Variants in PAX1 observed in about 807,000 individuals in gnomAD.
The protein encoded by PAX1 is paired box 1, also known as paired box protein Pax-1.
PAX1 carries 18 observed loss-of-function variants against 35.6 expected under a neutral mutation model. The observed-to-expected ratio is 0.50, with a 90% CI of 0.35 to 0.75. PAX1 has a LOEUF of 0.75. PAX1 is among the 30% of genes least tolerant of loss of function. PAX1 has a pLI of 0.01. For synonymous variants in PAX1, 397 were observed against 305.2 expected, an observed-to-expected ratio of 1.30 and a Z score of -3.14; for missense variants, 760 against 661.5, an observed-to-expected ratio of 1.15 and a Z score of -1.63.
chr20:21,711,225 C>A (rs1985190134), intron 4 of PAX1, among the ~76,000 whole-genome samples: 1 of 152,232 alleles, frequency 6.6e-6, no homozygotes, highest in Non-Finnish European at 1.5e-5. Flanking sequence ...AGAAAAAAGA[C>A]CCACAGTCTT....
Position 21,714,453 on chromosome 20 carries a change from C to G in PAX1, c.1283-18C>G. On this transcript the variant is annotated intron_variant, in intron 4 of 4. Coordinates refer to ENST00000613128, the MANE Select transcript of PAX1 (RefSeq NM_001257096.2). ...GGCGCTAGGTAGTGATCCGACGCCT[C>G]TGTGCTTCCTCCCGCAGTGGCTGAC... 1.9e-6 allele frequency: 3 copies of G among 1,548,112 alleles called. No individual in the cohort carries two copies. The highest frequency in any genetic ancestry group is 2.6e-6 in the Non-Finnish European group (3 of 1,147,398).
At position 21,706,451 on chromosome 20, in the gene PAX1, C is replaced by G; in HGVS notation, c.300C>G (p.Gly100=). The change falls in exon 2 of 5, where the codon GGC becomes GGG. Residue 100 remains glycine, a synonymous_variant. Coordinates refer to ENST00000613128, the MANE Select transcript of PAX1 (RefSeq NM_001257096.2). The surrounding 1 kb of genome is among the most constrained non-coding windows in gnomAD (Gnocchi z 5.3). ...AGPLAMEQTY[G]EVNQLGGVFV... ...GCGCATCCGCAGAGCAGACGTATGG[C>G]GAGGTGAACCAGCTGGGCGGTGTGT... 6.2e-7 allele frequency: 1 copy of G among 1,611,048 alleles called. No individual in the cohort carries two copies. Among genetic ancestry groups the G allele is most frequent in the East Asian group, 2.2e-5 (1 of 44,810 alleles).
chr20:21,708,727 AC>A, intron 3 of PAX1, 27 bp downstream of exon 3: 1 of 1,611,702 alleles, frequency 6.2e-7, no homozygotes, highest in Non-Finnish European at 8.5e-7. Context: ...TGAGGCCGTG[AC>A]CTTAAGTAGG....
rs1985009780 is a variant in PAX1, at chr20:21,706,627, C to G, written c.476C>G (p.Ser159Cys). The G allele has an allele frequency of 1.2e-6, 2 of 1,612,212 alleles. No homozygotes were observed. Among genetic ancestry groups the G allele is most frequent in the South Asian group, 1.1e-5 (1 of 91,088 alleles). The change falls in exon 2 of 5, where the codon TCC becomes TGC. Residue 159 changes from serine (S) to cysteine (C), a missense_variant. By Grantham distance (112) the Ser-to-Cys change is moderately radical. Transcript: ENST00000613128. This position sits in a 1 kb window ranked among gnomAD's most constrained non-coding sequence, Gnocchi z 5.3. ...KILARYNETGSILPGAIGGSK... is the reference protein window; with the variant it reads ...KILARYNETGCILPGAIGGSK... Reference sequence around the variant, plus strand: ...CTGGCGCGCTACAACGAGACCGGCTCCATTCTGCCCGGGGCCATCGGGGGG... The same window carrying G: ...CTGGCGCGCTACAACGAGACCGGCTGCATTCTGCCCGGGGCCATCGGGGGG...
chr20:21,708,077 A>G (rs1174183656), intron 2 of PAX1, among the ~76,000 whole-genome samples: 3 of 152,198 alleles, frequency 2.0e-5, no homozygotes, highest in South Asian at 2.1e-4. Flanking sequence ...GTGTGCTTCT[A>G]TCTGACCCGT....
intron 2 of PAX1, among the ~76,000 whole-genome samples, chr20:21,708,057 G>T (rs1985073658): frequency 6.6e-6 from 1 of 152,210 alleles, no homozygotes; most frequent in Admixed American, 6.5e-5. Context: ...CAAGGGCCCG[G>T]GGAGCAGCTG....
At position 21,717,058 on chromosome 20, in the gene PAX1, G is replaced by C. The variant is rs750593112; in HGVS notation, c.*2496G>C. On this transcript the variant is annotated 3_prime_UTR_variant, in exon 5 of 5. Coordinates refer to ENST00000613128, the MANE Select transcript of PAX1 (RefSeq NM_001257096.2). ...AGAAGAGCTGGGAAATGCGCCCCAG[G>C]GTGGATGCAAAGCACCTGTGTTTTA... is the stretch of plus-strand genomic sequence containing the variant. The C allele has an allele frequency of 1.3e-5, 2 of 152,250 alleles. No homozygotes were observed. The highest frequency in any genetic ancestry group is 2.9e-5 in the Non-Finnish European group (2 of 68,072). 9.4% of individuals were successfully genotyped at this position (152,250 alleles called of 1,614,324 possible).
At position 21,706,840 on chromosome 20, in the gene PAX1, A is replaced by G. The variant is rs1985023061; in HGVS notation, c.689A>G (p.Gln230Arg). The G allele has an allele frequency of 1.2e-6, 2 of 1,613,280 alleles. No individual in the cohort carries two copies. The highest frequency in any genetic ancestry group is 1.6e-4 in the Middle Eastern group (1 of 6,084). The change falls in exon 2 of 5, where the codon CAG becomes CGG. Residue 230 changes from glutamine (Q) to arginine (R), a missense_variant. Transcript: ENST00000613128. The surrounding 1 kb of genome is among the most constrained non-coding windows in gnomAD (Gnocchi z 5.3). ...CGCAACAAGATCGGCAGCCTGGCGC[A>G]GCCCGGACCGTACGAGGCAAGTAAG... ...ILRNKIGSLA[Q>R]PGPYEASKQP... is the part of the protein sequence containing the mutation.
Position 21,707,159 on chromosome 20 carries a change from C to A in PAX1, c.916+92C>A, listed in dbSNP as rs1985046781. On this transcript the variant is annotated intron_variant, in intron 2 of 4. Coordinates refer to ENST00000613128, the MANE Select transcript of PAX1 (RefSeq NM_001257096.2). Reference sequence around the variant, plus strand: ...AGAGGACTCACACTCGCTCTCCTCCCGGGACCGGTTCTGGCTCAGGGGAGG... The same window carrying A: ...AGAGGACTCACACTCGCTCTCCTCCAGGGACCGGTTCTGGCTCAGGGGAGG... 14 of 1,514,310 alleles carry A rather than the reference C, an allele frequency of 9.2e-6. No individual in the cohort carries two copies. The South Asian group carries it at 1.5e-4, about 16-fold the overall frequency. 93.8% of individuals were successfully genotyped at this position (1,514,310 alleles called of 1,614,324 possible).
In PAX1 at chr20:21,715,526, TAGGAGTA is replaced by T. The variant is rs1985343726; in HGVS notation, c.*965_*971del. ...GATGTCACCCCAAAGAAGACTGGGG[TAGGAGTA>T]GGGAGCACAGGGGTTGTTGGTGTTT... On this transcript the variant is annotated 3_prime_UTR_variant, in exon 5 of 5. Coordinates refer to ENST00000613128, the MANE Select transcript of PAX1 (RefSeq NM_001257096.2). 1 of 152,092 alleles carries T rather than the reference TAGGAGTA, an allele frequency of 6.6e-6. No homozygotes were observed. Among genetic ancestry groups the T allele is most frequent in the African/African-American group, 2.4e-5 (1 of 41,332 alleles). The allele number at this position is 152,092 out of a possible 1,614,324, so 9.4% of individuals were successfully genotyped here. A position where few individuals can be genotyped will look rare whatever the true frequency, so the allele number is the denominator to read the frequency against.
Position 21,706,641 on chromosome 20 carries a change from G to T in PAX1, c.490G>T (p.Ala164Ser). ...YNETGSILPGAIGGSKPRVTT... is the reference protein window; with the variant it reads ...YNETGSILPGSIGGSKPRVTT... ...CGAGACCGGCTCCATTCTGCCCGGG[G>T]CCATCGGGGGGAGCAAGCCCCGCGT... Residue 164 changes from alanine (A) to serine (S), a missense_variant, in exon 2 of 5, where the codon GCC becomes TCC. Physicochemically the swap from Ala to Ser is moderately conservative, Grantham distance 99. This residue lies in a region of PAX1 where 490 missense variants were observed against 428.4 expected (regional missense o/e 1.14). Transcript: ENST00000613128. This position sits in a 1 kb window ranked among gnomAD's most constrained non-coding sequence, Gnocchi z 5.3. The T allele has an allele frequency of 1.2e-6, 2 of 1,612,132 alleles. No homozygotes were observed. Among genetic ancestry groups the T allele is most frequent in the Non-Finnish European group, 1.7e-6 (2 of 1,180,028 alleles).
chr20:21,708,646 C>G lies in PAX1; in HGVS notation c.1005C>G (p.Pro335=), dbSNP rs199677616. Residue 335 remains proline (P), a synonymous_variant, in exon 3 of 5, where the codon CCC becomes CCG. Transcript: ENST00000613128. The part of the protein sequence containing the change: ...GVNRTAFPAT[P]AVNGLEKPAL... Reference sequence around the variant, plus strand: ...ACCGCACGGCCTTCCCCGCCACCCCCGCAGTGAATGGGCTAGAGAAACCTG... The same window carrying G: ...ACCGCACGGCCTTCCCCGCCACCCCGGCAGTGAATGGGCTAGAGAAACCTG... 2.2e-4 allele frequency: 353 copies of G among 1,613,506 alleles called. No homozygotes were observed. The highest frequency in any genetic ancestry group is 4.3e-4 in the South Asian group (39 of 91,088).
At chr20:21,712,206 T>G (rs1274531930) in intron 4 of PAX1, among the ~76,000 whole-genome samples, 2 of 152,184 alleles carry the variant, frequency 1.3e-5, no homozygotes, top group Non-Finnish European at 2.9e-5. Context: ...AATCGAAAAT[T>G]TAGCATTTAA....
At position 21,709,294 on chromosome 20, in the gene PAX1, G is replaced by T. The variant is rs367712351; in HGVS notation, c.1132G>T (p.Val378Leu). The T allele has an allele frequency of 6.2e-7, 1 of 1,604,164 alleles. No individual in the cohort carries two copies. The highest frequency in any genetic ancestry group is 8.5e-7 in the Non-Finnish European group (1 of 1,179,432). ...CAYPASNQHG[V>L]YSAPGGGYLA... Reference sequence around the variant, plus strand: ...CTACCCGGCCTCCAACCAGCACGGCGTGTACAGCGCCCCGGGCGGCGGCTA... The same window carrying T: ...CTACCCGGCCTCCAACCAGCACGGCTTGTACAGCGCCCCGGGCGGCGGCTA... Residue 378 changes from valine to leucine, a missense_variant, in exon 4 of 5, where the codon GTG (valine) becomes TTG (leucine). Val to Leu is a conservative substitution (Grantham distance 32, BLOSUM62 1). Transcript: ENST00000613128.
intron 2 of PAX1, among the ~76,000 whole-genome samples, chr20:21,707,458 C>T (rs1178081878): frequency 6.6e-6 from 1 of 152,164 alleles, no homozygotes; most frequent in African/African-American, 2.4e-5. Flanking sequence ...TTCTGTCCCC[C>T]ACTCCCAGGC....
chr20:21,709,506 C>G, intron 4 of PAX1, 62 bp downstream of exon 4: 2 of 1,275,882 alleles, frequency 1.6e-6, no homozygotes, highest in Non-Finnish European at 2.1e-6. Flanking sequence ...TACTGGGGAG[C>G]GGGTGTGAGC....
Position 21,715,327 on chromosome 20 carries a change from T to G in PAX1, c.*765T>G, listed in dbSNP as rs2122151609. 1.3e-5 allele frequency: 2 copies of G among 157,552 alleles called. No individual in the cohort carries two copies. Among genetic ancestry groups the G allele is most frequent in the Non-Finnish European group, 1.4e-5 (1 of 71,638 alleles). 9.8% of individuals were successfully genotyped at this position (157,552 alleles called of 1,614,324 possible). On this transcript the variant is annotated 3_prime_UTR_variant, in exon 5 of 5. Transcript: ENST00000613128. ...GCCCTAATGGAGGGGGGCTCAAACC[T>G]AGGAAGTGGACAGAAAAGCCACAGC... is the stretch of plus-strand genomic sequence containing the variant.
chr20:21,709,470 G>A (rs1240272043), intron 4 of PAX1, 26 bp downstream of exon 4: 4 of 1,482,354 alleles, frequency 2.7e-6, no homozygotes, highest in South Asian at 2.6e-5. Context: ...AGTGGGGCGG[G>A]TGGATGCTGG....
At chr20:21,714,376 T>C in intron 4 of PAX1, 95 bp from the exon 5 acceptor site, 1 of 910,546 alleles carries the variant, frequency 1.1e-6, no homozygotes, top group East Asian at 2.7e-5. Flanking sequence ...GGTTGAGCGC[T>C]CACGACCTCG....
Sources: gnomAD v4.1 joint callset for allele counts (sites outside exome capture counted in the v4.1 genomes callset) on GRCh38, gnomAD v4.1.1 for gene constraint, gnomAD v4.1.1 regional missense constraint, Gnocchi (gnomAD v3.1) non-coding constraint, MANE v1.5 for transcripts, NCBI Gene and HGNC (gene_info 2026-07-23, HGNC 2026-07-21) for gene names.